The following CFAP77 variants were observed in gnomAD, a reference collection of about 807,000 sequenced individuals.
The protein encoded by CFAP77 is cilia- and flagella-associated protein 77.
A neutral mutation model predicts 31.1 loss-of-function variants in CFAP77; 25 were observed. The ratio of observed to expected loss-of-function variants is 0.80; its 90% CI spans 0.59 to 1.12. The LOEUF is 1.12. CFAP77 is among the 50% of genes most tolerant of loss of function. The pLI is 0.00. For synonymous variants in CFAP77, 151 were observed against 159.9 expected, an observed-to-expected ratio of 0.94 and a Z score of 0.42; for missense variants, 377 against 397.3, an observed-to-expected ratio of 0.95 and a Z score of 0.44.
intron 3 of CFAP77, among the ~76,000 whole-genome samples, chr9:132,518,896 C>G (rs1197294243): frequency 5.3e-5 from 8 of 152,216 alleles, no homozygotes; most frequent in Admixed American, 5.2e-4. Context: ...AGCGTGGCTA[C>G]CCCCACAGGC....
At chr9:132,438,155 T>C (rs568482310) in intron 1 of CFAP77, among the ~76,000 whole-genome samples, 243 of 145,336 alleles carry the variant, frequency 1.7e-3, no homozygotes, top group African/African-American at 5.7e-3. Flanking sequence ...TGAGCCAAGA[T>C]TGCACCACTG....
chr9:132,420,857 A>C (rs562399288), intron 1 of CFAP77, among the ~76,000 whole-genome samples: 1 of 152,302 alleles, frequency 6.6e-6, no homozygotes, highest in Admixed American at 6.5e-5. Flanking sequence ...AGAAGCAGAC[A>C]GAGATGAAAA....
intron 3 of CFAP77, among the ~76,000 whole-genome samples, chr9:132,530,994 G>A (rs974771433): frequency 3.0e-4 from 46 of 152,262 alleles, no homozygotes; most frequent in African/African-American, 1.1e-3. Context: ...TTGCTTTGTT[G>A]TTTATTTTGT....
chr9:132,519,959 G>C (rs1484884733), intron 3 of CFAP77, among the ~76,000 whole-genome samples: 1 of 152,014 alleles, frequency 6.6e-6, no homozygotes, highest in Non-Finnish European at 1.5e-5. Flanking sequence ...TGGGTGGATG[G>C]ATGGACTAAC....
intron 3 of CFAP77, among the ~76,000 whole-genome samples, chr9:132,508,108 T>A (rs1320789581): frequency 1.3e-5 from 2 of 152,172 alleles, no homozygotes; most frequent in Admixed American, 6.5e-5. Context: ...TTTAAGACTT[T>A]GAGACAGTTA....
intron 1 of CFAP77, among the ~76,000 whole-genome samples, chr9:132,422,540 C>T (rs937290830): frequency 1.2e-4 from 18 of 152,104 alleles, no homozygotes; most frequent in African/African-American, 4.1e-4. Context: ...AGCAATGGGA[C>T]GAGACTGTTC....
intron 3 of CFAP77, among the ~76,000 whole-genome samples, chr9:132,507,388 A>G (rs982751483): frequency 1.3e-5 from 2 of 152,200 alleles, no homozygotes; most frequent in African/African-American, 4.8e-5. Context: ...TACACCCCCA[A>G]TCCTGGTGCA....
At chr9:132,521,290 A>T (rs947479747) in intron 3 of CFAP77, among the ~76,000 whole-genome samples, 1 of 152,140 alleles carries the variant, frequency 6.6e-6, no homozygotes, top group Non-Finnish European at 1.5e-5. Context: ...CCCCACCCCC[A>T]TCACTAGGTT....
intron 1 of CFAP77, among the ~76,000 whole-genome samples, chr9:132,476,334 A>G (rs72765902): frequency 0.069 from 10,504 of 151,928 alleles, 465 homozygotes; most frequent in Middle Eastern, 0.13. Flanking sequence ...CTAGTGACCC[A>G]CCCTCCTCTT....
intron 1 of CFAP77, among the ~76,000 whole-genome samples, chr9:132,459,646 T>C (rs1336337730): frequency 6.8e-6 from 1 of 148,060 alleles, no homozygotes; most frequent in East Asian, 1.9e-4. Flanking sequence ...TGTGTATGTA[T>C]GTGTGTATAT....
At chr9:132,510,373 G>A (rs1052476788) in intron 3 of CFAP77, among the ~76,000 whole-genome samples, 8 of 152,242 alleles carry the variant, frequency 5.3e-5, no homozygotes, top group South Asian at 2.1e-4. Context: ...TGCCTGGCCC[G>A]GCCGTGGGCC....
chr9:132,432,953 A>G (rs1328440572), intron 1 of CFAP77, among the ~76,000 whole-genome samples: 1 of 152,020 alleles, frequency 6.6e-6, no homozygotes, highest in Non-Finnish European at 1.5e-5. Context: ...TGACCTTGTG[A>G]TCTGCCCGCC....
chr9:132,488,511 G>A (rs1417328384), intron 1 of CFAP77, among the ~76,000 whole-genome samples: 2 of 152,218 alleles, frequency 1.3e-5, no homozygotes, highest in Admixed American at 1.3e-4. Context: ...GATTGGGTGG[G>A]AAATGATTAG....
intron 1 of CFAP77, among the ~76,000 whole-genome samples, chr9:132,452,677 G>A (rs993964782): frequency 2.6e-5 from 4 of 152,180 alleles, no homozygotes; most frequent in Admixed American, 2.6e-4. Flanking sequence ...GGACCTCGGT[G>A]GAAGCTCCAG....
intron 1 of CFAP77, among the ~76,000 whole-genome samples, chr9:132,422,909 G>T (rs922945238): frequency 6.6e-6 from 1 of 152,252 alleles, no homozygotes; most frequent in African/African-American, 2.4e-5. Context: ...GGCACAGATG[G>T]CAGGACGTGT....
chr9:132,474,583 G>A (rs185690794), intron 1 of CFAP77, among the ~76,000 whole-genome samples: 2 of 152,152 alleles, frequency 1.3e-5, no homozygotes, highest in East Asian at 1.9e-4. Context: ...TTAGGACCAG[G>A]GGGGGAATGC....
chr9:132,419,924 G>T (rs1042818002), intron 1 of CFAP77, among the ~76,000 whole-genome samples: 1 of 152,158 alleles, frequency 6.6e-6, no homozygotes, highest in Non-Finnish European at 1.5e-5. Context: ...ACTTTGGGAG[G>T]CTGAGGCAGG....
chr9:132,484,606 G>A (rs890571629), intron 1 of CFAP77, among the ~76,000 whole-genome samples: 1 of 152,160 alleles, frequency 6.6e-6, no homozygotes, highest in Non-Finnish European at 1.5e-5. Flanking sequence ...TCCATTGTGC[G>A]GATGTGCCAG....
rs1039548706 is a variant in CFAP77 at position 132,490,429 on chromosome 9, G to A, written c.196-8266G>A. Among the ~76,000 whole-genome samples the A allele has an allele frequency of 1.3e-5, 2 of 152,152 alleles. No homozygotes were observed. Among genetic ancestry groups the A allele is most frequent in the African/African-American group, 2.4e-5 (1 of 41,434 alleles). ...TCTGAAAGTTCGGGGTCAGGAGCTC[G>A]TTTGAGTGCCTCTCCCTGTAGGTTC... On this transcript the variant is annotated intron_variant, in intron 1 of 5. Transcript: ENST00000393216. The surrounding 1 kb of genome is among the most constrained non-coding windows in gnomAD (Gnocchi z 4.6).
Sources: allele counts gnomAD v4.1 joint callset (sites outside exome capture counted in the v4.1 genomes callset), GRCh38; gene constraint gnomAD v4.1.1; non-coding constraint Gnocchi (gnomAD v3.1); transcripts MANE v1.5; gene names NCBI Gene and HGNC (gene_info 2026-07-23, HGNC 2026-07-21).